Variants in NRXN3 observed in about 807,000 individuals in gnomAD.
The protein encoded by NRXN3 is neurexin III.
NRXN3 carries 32 observed loss-of-function variants against 137.6 expected under a neutral mutation model. The ratio of observed to expected loss-of-function variants is 0.23; its 90% CI spans 0.18 to 0.31. The LOEUF is 0.31. Ranked by LOEUF, NRXN3 falls within the 10% of genes least tolerant of loss-of-function variation. The pLI is 1.00. For synonymous variants in NRXN3, 798 were observed against 784.5 expected (o/e 1.02, Z -0.29); for missense variants, 1,574 against 2,062.5 (o/e 0.76, Z 4.59).
At chr14:79,701,518 A>T (rs1484417014) in intron 19 of NRXN3, among the ~76,000 whole-genome samples, 2 of 151,988 alleles carry the variant, frequency 1.3e-5, no homozygotes, top group Non-Finnish European at 2.9e-5. Flanking sequence ...CTCTCTATGT[A>T]TTCTCTGGGA....
rs779505906 is a variant in NRXN3 at position 79,622,287 on chromosome 14, T to A, written c.3445-41491T>A. Among the ~76,000 whole-genome samples the A allele has an allele frequency of 3.9e-4, 60 of 152,178 alleles. 1 individual carries two copies. Among genetic ancestry groups the A allele is most frequent in the Non-Finnish European group, 6.2e-4 (42 of 68,026 alleles). On this transcript the variant is annotated intron_variant, in intron 16 of 20. Transcript: ENST00000335750. ...GTAGTAGAAGTGATCCTTTTGTCAG[T>A]GGAAAAAGCTGCCAGACTCAGAAGC...
At chr14:79,603,409 T>G (rs138243266) in intron 16 of NRXN3, among the ~76,000 whole-genome samples, 1 of 152,222 alleles carries the variant, frequency 6.6e-6, no homozygotes, top group Non-Finnish European at 1.5e-5. Context: ...TCTGGCCTTA[T>G]AGACCTCTGT....
chr14:79,017,246 T>C (rs1443838877), intron 15 of NRXN3, among the ~76,000 whole-genome samples: 2 of 151,776 alleles, frequency 1.3e-5, no homozygotes, highest in African/African-American at 4.8e-5. Flanking sequence ...TGTGTGCCCA[T>C]CTACCCCTTT....
chr14:78,467,261 C>T (rs2095135296), intron 4 of NRXN3, among the ~76,000 whole-genome samples: 2 of 152,124 alleles, frequency 1.3e-5, no homozygotes, highest in South Asian at 4.1e-4. Context: ...GGATCTCACC[C>T]CCTAGTCTGT....
chr14:79,836,769 G>A (rs1426760349), intron 20 of NRXN3, among the ~76,000 whole-genome samples: 1 of 152,178 alleles, frequency 6.6e-6, no homozygotes, highest in Non-Finnish European at 1.5e-5. Context: ...AGTTGGAGAT[G>A]CTGGATGGAA....
chr14:79,007,030 T>A (rs1373504041), intron 15 of NRXN3, among the ~76,000 whole-genome samples: 1 of 152,204 alleles, frequency 6.6e-6, no homozygotes, highest in Non-Finnish European at 1.5e-5. Flanking sequence ...CATTTCTTTT[T>A]TAAAAGGACA....
chr14:79,065,625 G>C (rs560439280), intron 15 of NRXN3, among the ~76,000 whole-genome samples: 1 of 152,006 alleles, frequency 6.6e-6, no homozygotes, highest in Non-Finnish European at 1.5e-5. Context: ...AGGTGCTGGC[G>C]GGGTTGGTTT....
At chr14:79,711,731 A>C (rs1002696725) in intron 19 of NRXN3, among the ~76,000 whole-genome samples, 1 of 152,212 alleles carries the variant, frequency 6.6e-6, no homozygotes, top group African/African-American at 2.4e-5. Flanking sequence ...ATCCTTCACG[A>C]AGAACTGCCT....
At chr14:79,540,467 A>G (rs1021978402) in intron 16 of NRXN3, among the ~76,000 whole-genome samples, 5 of 152,094 alleles carry the variant, frequency 3.3e-5, no homozygotes, top group Non-Finnish European at 7.3e-5. Context: ...TTGAAATACA[A>G]CAATACAATA....
intron 19 of NRXN3, among the ~76,000 whole-genome samples, chr14:79,710,759 C>T (rs1304471814): frequency 6.6e-6 from 1 of 152,042 alleles, no homozygotes; most frequent in African/African-American, 2.4e-5. Flanking sequence ...ACTTGAACAA[C>T]ATCAGTAAAC....
At chr14:79,722,676 G>A (rs2098848968) in intron 19 of NRXN3, among the ~76,000 whole-genome samples, 1 of 151,988 alleles carries the variant, frequency 6.6e-6, no homozygotes, top group East Asian at 1.9e-4. Flanking sequence ...ACAGTAAATG[G>A]AGCTTATCAT....
chr14:79,064,027 A>G (rs2099677550), intron 15 of NRXN3, among the ~76,000 whole-genome samples: 1 of 152,326 alleles, frequency 6.6e-6, no homozygotes, highest in African/African-American at 2.4e-5. Flanking sequence ...GTGATCCTTC[A>G]TATAAAACTA....
intron 16 of NRXN3, among the ~76,000 whole-genome samples, chr14:79,508,065 G>A (rs889108855): frequency 1.3e-5 from 2 of 151,902 alleles, no homozygotes; most frequent in Non-Finnish European, 2.9e-5. Flanking sequence ...TATCTATTTG[G>A]GCTCTATTTT....
intron 15 of NRXN3, among the ~76,000 whole-genome samples, chr14:79,225,411 T>G (rs1662040516): frequency 1.3e-5 from 2 of 152,194 alleles, no homozygotes; most frequent in Non-Finnish European, 2.9e-5. Flanking sequence ...ACTCTGAGTT[T>G]CTTTCTACTC....
chr14:79,710,588 G>A (rs178376), intron 19 of NRXN3, among the ~76,000 whole-genome samples: 110,652 of 152,054 alleles, frequency 0.73, 40,511 homozygotes, highest in East Asian at 0.83. Flanking sequence ...CTATGATCTG[G>A]TTTCAAAAAT....
rs2098488218 is a variant in NRXN3 at position 78,727,029 on chromosome 14, G to A, written c.2044+11890G>A. Among the ~76,000 whole-genome samples the A allele has an allele frequency of 2.0e-5, 3 of 148,868 alleles. No homozygotes were observed. In the South Asian group the frequency reaches 6.5e-4, roughly 32 times the overall value. ...TGGATCCTAGAGATGTCCAGAACAG[G>A]TCAAGCTAAAACCCTTCTCTACAAT... On this transcript the variant is annotated intron_variant, in intron 8 of 20. Coordinates refer to ENST00000335750, the MANE Select transcript of NRXN3 (RefSeq NM_001330195.2).
At chr14:79,118,935 G>A (rs376880928) in intron 15 of NRXN3, among the ~76,000 whole-genome samples, 19 of 152,194 alleles carry the variant, frequency 1.2e-4, no homozygotes, top group African/African-American at 4.3e-4. Flanking sequence ...ATTTATTAGC[G>A]GATTCTTTCT....
intron 15 of NRXN3, among the ~76,000 whole-genome samples, chr14:79,178,198 C>T (rs2153116386): frequency 6.6e-6 from 1 of 152,290 alleles, no homozygotes; most frequent in East Asian, 1.9e-4. Context: ...TCATACCCTC[C>T]CAGGTGATAC....
At chr14:78,451,307 C>A (rs1355871501) in intron 4 of NRXN3, among the ~76,000 whole-genome samples, 2 of 152,186 alleles carry the variant, frequency 1.3e-5, no homozygotes, top group African/African-American at 4.8e-5. Flanking sequence ...GCAAACAAAC[C>A]TAAACCAAAC....
Sources: gnomAD v4.1 joint callset for allele counts (sites outside exome capture counted in the v4.1 genomes callset) on GRCh38, gnomAD v4.1.1 for gene constraint, MANE v1.5 for transcripts, NCBI Gene and HGNC (gene_info 2026-07-23, HGNC 2026-07-21) for gene names.